The following TTLL1 variants were observed in gnomAD, a reference collection of about 807,000 sequenced individuals.
The protein encoded by TTLL1 is polyglutamylase complex subunit TTLL1.
In TTLL1, 33 loss-of-function variants were observed where a neutral mutation model predicts 47.8. The observed-to-expected ratio is 0.69, with a 90% CI of 0.52 to 0.92. The LOEUF (loss-of-function observed/expected upper bound fraction) is 0.92, where lower values mean the gene tolerates loss of function less well. TTLL1 is among the 40% of genes least tolerant of loss of function. The probability of loss-of-function intolerance (pLI) is 0.00; values close to 1 mark genes in which losing one functional copy is unlikely to be tolerated. For missense variants in TTLL1, 488 were observed against 547.5 expected (o/e 0.89, Z 1.08); for synonymous variants, 225 against 214.1 (o/e 1.05, Z -0.45).
At chr22:43,052,235 G>A in intron 8 of TTLL1, 1 of 328,562 alleles carries the variant, frequency 3.0e-6, no homozygotes, top group Non-Finnish European at 5.9e-6. Flanking sequence ...GAAGGTCTGT[G>A]CAGCCTTATC....
intron 7 of TTLL1, among the ~76,000 whole-genome samples, chr22:43,061,408 C>T (rs981130334): frequency 6.6e-6 from 1 of 152,182 alleles, no homozygotes; most frequent in Non-Finnish European, 1.5e-5. Flanking sequence ...GGCTGGTGAG[C>T]TGCCCAAGTC....
intron 10 of TTLL1, among the ~76,000 whole-genome samples, chr22:43,045,289 G>A (rs992831079): frequency 2.0e-5 from 3 of 152,094 alleles, no homozygotes; most frequent in Admixed American, 6.6e-5. Context: ...CCACGGAACC[G>A]CTCTAAGCCT....
chr22:43,069,644 A>T lies in TTLL1; in HGVS notation c.314T>A (p.Leu105His). The change falls in exon 4 of 11, where the codon CTC (leucine) becomes CAC (histidine). Residue 105 changes from leucine to histidine, a missense_variant. Transcript: ENST00000266254. ...GTGGAAGACGCACAAACCCAGATAG[A>T]GGTATTTTCCATTTTCATCTTTTTC... is the stretch of plus-strand genomic sequence containing the variant. ...LAEKDENGKY[L>H]YLDFVPVTYM... 6 of 1,614,098 alleles carry T rather than the reference A, an allele frequency of 3.7e-6. No individual in the cohort carries two copies. Among genetic ancestry groups the T allele is most frequent in the Non-Finnish European group, 5.1e-6 (6 of 1,180,018 alleles).
intron 9 of TTLL1, 39 bp downstream of exon 9, chr22:43,051,762 A>G (rs774823898): frequency 1.3e-6 from 2 of 1,592,792 alleles, no homozygotes. Flanking sequence ...GTTGGGGGCT[A>G]TGTGTGGTGT....
intron 5 of TTLL1, among the ~76,000 whole-genome samples, chr22:43,066,239 T>C (rs1416995363): frequency 6.6e-6 from 1 of 151,660 alleles, no homozygotes; most frequent in Non-Finnish European, 1.5e-5. Context: ...TCTCGTCAGC[T>C]GGCAACACGC....
At chr22:43,042,750 G>T (rs1348450542) in intron 10 of TTLL1, among the ~76,000 whole-genome samples, 1 of 152,140 alleles carries the variant, frequency 6.6e-6, no homozygotes, top group Non-Finnish European at 1.5e-5. Flanking sequence ...TGGAGCTGGG[G>T]TTCTTTGATC....
rs146662174 is a variant in TTLL1, at chr22:43,068,409, C to T, written c.503+1G>A. 39 of 1,502,062 alleles carry T rather than the reference C, an allele frequency of 2.6e-5. No homozygotes were observed. The highest frequency in any genetic ancestry group is 3.3e-5 in the Non-Finnish European group (36 of 1,106,714). The allele number at this position is 1,502,062 out of a possible 1,614,324, so 93.0% of individuals were successfully genotyped here. On this transcript the variant is annotated splice_donor_variant, in intron 5 of 10. Coordinates refer to ENST00000266254, the MANE Select transcript of TTLL1 (RefSeq NM_012263.5). LOFTEE classifies it high-confidence loss of function. ...CAAAGTGGGTGGCTGCCCACACTTA[C>T]GAAGATGTCTTGCTGTCCCGGGACC...
At chr22:43,058,601 C>T (rs1176315334) in intron 8 of TTLL1, among the ~76,000 whole-genome samples, 6 of 152,254 alleles carry the variant, frequency 3.9e-5, no homozygotes. Context: ...CGGGATGGCA[C>T]TGGGCTGCAA....
At chr22:43,051,977 G>T in intron 8 of TTLL1, 90 bp from the exon 9 acceptor site, 2 of 1,221,594 alleles carry the variant, frequency 1.6e-6, no homozygotes, top group East Asian at 2.3e-5. Context: ...ATCGTCCCAC[G>T]TCCCGACCTC....
At chr22:43,049,998 G>A (rs1348989583) in intron 9 of TTLL1, among the ~76,000 whole-genome samples, 2 of 152,188 alleles carry the variant, frequency 1.3e-5, no homozygotes, top group African/African-American at 4.8e-5. Context: ...CCAGGAGGCT[G>A]AGGCAGGAGA....
intron 8 of TTLL1, among the ~76,000 whole-genome samples, chr22:43,055,907 CT>C (rs11326597): frequency 0.025 from 3,801 of 150,502 alleles, 96 homozygotes; most frequent in African/African-American, 0.061. Flanking sequence ...CTTTTTTTGT[CT>C]TTTTTTTTCC....
chr22:43,084,237 G>T (rs1346861623), intron 1 of TTLL1, among the ~76,000 whole-genome samples: 1 of 151,772 alleles, frequency 6.6e-6, no homozygotes, highest in African/African-American at 2.4e-5. Flanking sequence ...TGCAACCTCC[G>T]CCTCTCAGGT....
intron 10 of TTLL1, among the ~76,000 whole-genome samples, chr22:43,041,891 G>A (rs1441839861): frequency 1.3e-5 from 2 of 152,270 alleles, no homozygotes; most frequent in East Asian, 3.9e-4. Context: ...CTGTCAGGAT[G>A]ATGATACAGG....
chr22:43,044,159 C>T (rs1200503945), intron 10 of TTLL1, among the ~76,000 whole-genome samples: 6 of 151,998 alleles, frequency 3.9e-5, no homozygotes, highest in Admixed American at 2.6e-4. Context: ...GTCTTGCCAT[C>T]GCAAGCTCCC....
chr22:43,075,694 C>T (rs1484200145), intron 2 of TTLL1, 104 bp from the exon 3 acceptor site: 5 of 960,550 alleles, frequency 5.2e-6, no homozygotes, highest in African/African-American at 3.2e-5. Context: ...CTCGATCTTA[C>T]CCCGGCAATG....
rs141297093 is a variant in TTLL1, at chr22:43,089,267, A to T, written c.-90+10T>A. 1.3e-5 allele frequency: 2 copies of T among 152,518 alleles called. No homozygotes were observed. The highest frequency in any genetic ancestry group is 4.1e-4 in the South Asian group (2 of 4,828). The allele number at this position is 152,518 out of a possible 1,614,324, so 9.4% of individuals were successfully genotyped here. ...CCCGGGAGGCGGCGGCCTGGGGGAC[A>T]GGACCTCACCTGTGGGCTCAGAGCG... On this transcript the variant is annotated intron_variant, in intron 1 of 10. Transcript: ENST00000266254.
At chr22:43,081,872 C>CA (rs1928918973) in intron 1 of TTLL1, among the ~76,000 whole-genome samples, 2 of 101,200 alleles carry the variant, frequency 2.0e-5, no homozygotes, top group Admixed American at 2.8e-4. Flanking sequence ...TTTTTTGAGT[C>CA]AGAGTCTTTC....
intron 4 of TTLL1, 39 bp from the exon 5 acceptor site, chr22:43,068,629 C>A: frequency 1.4e-6 from 2 of 1,392,254 alleles, no homozygotes; most frequent in Admixed American, 2.3e-5. Context: ...AAGCAGCCAG[C>A]CCAACAGTGG....
At chr22:43,064,016 A>G in intron 6 of TTLL1, 95 bp from the exon 7 acceptor site, 1 of 1,499,276 alleles carries the variant, frequency 6.7e-7, no homozygotes. Flanking sequence ...TGTGTGTGTG[A>G]TTTACACGAC....
Sources: allele counts gnomAD v4.1 joint callset (sites outside exome capture counted in the v4.1 genomes callset), GRCh38; gene constraint gnomAD v4.1.1; transcripts MANE v1.5; gene names NCBI Gene and HGNC (gene_info 2026-07-23, HGNC 2026-07-21).